DCT: variants seen among roughly 807,000 people sequenced by gnomAD.
The protein encoded by DCT is L-dopachrome tautomerase.
In DCT, 47 loss-of-function variants were observed where a neutral mutation model predicts 53.0. That is an observed-to-expected ratio of 0.89 (90% confidence interval 0.70 to 1.13). DCT has a LOEUF of 1.13. DCT is among the 50% of genes most tolerant of loss of function. DCT has a pLI of 0.00. For missense variants in DCT, 669 were observed against 637.4 expected (o/e 1.05, Z -0.53); for synonymous variants, 244 against 237.0 (o/e 1.03, Z -0.27).
the DCT span, among the ~76,000 whole-genome samples, chr13:94,508,921 G>C: frequency 6.6e-6 from 1 of 152,142 alleles, no homozygotes; most frequent in African/African-American, 2.4e-5. Flanking sequence ...AAACGACTTT[G>C]AAAGTCTCTT....
At chr13:94,445,428 T>C (rs528222044) in intron 6 of DCT, among the ~76,000 whole-genome samples, 4 of 152,322 alleles carry the variant, frequency 2.6e-5, no homozygotes, top group East Asian at 3.9e-4. Context: ...CCAACTCATA[T>C]AGAGTGACCA....
intron 3 of DCT, 51 bp from the exon 4 acceptor site, chr13:94,465,850 C>T (rs1254107075): frequency 6.5e-7 from 1 of 1,530,766 alleles, no homozygotes; most frequent in Admixed American, 1.8e-5. Context: ...TCAGATACAA[C>T]AAGAAAGCAT....
chr13:94,453,669 G>A (rs921047388), intron 6 of DCT, among the ~76,000 whole-genome samples: 6 of 152,042 alleles, frequency 3.9e-5, no homozygotes, highest in Non-Finnish European at 7.4e-5. Context: ...AATCATGGGG[G>A]TGGGTCTTTC....
At chr13:94,538,262 C>A in the DCT span, among the ~76,000 whole-genome samples, 26 of 152,176 alleles carry the variant, frequency 1.7e-4, no homozygotes, top group Non-Finnish European at 3.1e-4. Flanking sequence ...CATGGATTAT[C>A]TTATTTAATT....
chr13:94,448,709 C>T (rs903801100), intron 6 of DCT, among the ~76,000 whole-genome samples: 1 of 152,064 alleles, frequency 6.6e-6, no homozygotes, highest in African/African-American at 2.4e-5. Context: ...TCGAGACCAG[C>T]CTAGCCAATA....
rs1265332395 is a variant in DCT, at chr13:94,462,168, C to G, written c.885G>C (p.Leu295=). The G allele has an allele frequency of 1.2e-6, 2 of 1,612,828 alleles. No homozygotes were observed. Among genetic ancestry groups the G allele is most frequent in the Non-Finnish European group, 1.7e-6 (2 of 1,179,398 alleles). ...CATAGGTTCCATTGCACAAGGTGAC[C>G]AGGTGGTTGTAGTCATCCAAGCTAA... is the stretch of plus-strand genomic sequence containing the variant. ...VCDSLDDYNH[L]VTLCNGTYEG... is the part of the protein sequence containing the mutation. Residue 295 remains leucine (L), a synonymous_variant, in exon 5 of 8, where the codon CTG becomes CTC. Coordinates refer to ENST00000377028, the MANE Select transcript of DCT (RefSeq NM_001922.5).
At chr13:94,440,488 T>A (rs1882213285) in intron 7 of DCT, among the ~76,000 whole-genome samples, 1 of 152,028 alleles carries the variant, frequency 6.6e-6, no homozygotes, top group Non-Finnish European at 1.5e-5. Context: ...TTTTATAGAA[T>A]GATAAACCTG....
upstream of DCT, among the ~76,000 whole-genome samples, chr13:94,481,125 C>A (rs1885424035): frequency 6.6e-6 from 1 of 152,222 alleles, no homozygotes; most frequent in South Asian, 2.1e-4. Flanking sequence ...GCCTTCTCCC[C>A]ATCTGTCTGT....
chr13:94,540,184 G>A, the DCT span, among the ~76,000 whole-genome samples: 1 of 152,100 alleles, frequency 6.6e-6, no homozygotes, highest in Non-Finnish European at 1.5e-5. Context: ...ATAGATCTCT[G>A]AGGTGGAAGA....
chr13:94,466,612 A>C lies in DCT; in HGVS notation c.642T>G (p.Pro214=), dbSNP rs375638471. The C allele has an allele frequency of 6.6e-5, 107 of 1,612,436 alleles. No homozygotes were observed. The highest frequency in any genetic ancestry group is 1.6e-4 in the Middle Eastern group (1 of 6,076). Residue 214 remains proline, a synonymous_variant, in exon 3 of 8, where the codon CCT becomes CCG. Transcript: ENST00000377028. ...YRAIDFSHQG[P]AFVTWHRYHL... ...GGTACCGGTGCCAGGTAACAAATGC[A>C]GGTCCTTGATGTGAGAAATCTATGG...
intron 5 of DCT, among the ~76,000 whole-genome samples, chr13:94,461,689 G>A (rs944570489): frequency 3.9e-5 from 6 of 152,166 alleles, no homozygotes; most frequent in Admixed American, 1.3e-4. Flanking sequence ...AAGAGAAAGA[G>A]CATGGACATT....
intron 7 of DCT, among the ~76,000 whole-genome samples, chr13:94,441,091 C>T (rs1257794741): frequency 2.0e-5 from 3 of 152,164 alleles, no homozygotes; most frequent in Non-Finnish European, 4.4e-5. Flanking sequence ...CTATACCTTA[C>T]ACTCACCTAA....
the DCT span, among the ~76,000 whole-genome samples, chr13:94,538,035 G>A: frequency 1.3e-5 from 2 of 152,096 alleles, no homozygotes; most frequent in African/African-American, 4.8e-5. Context: ...ATAGCAGCCA[G>A]TCAGAAAATC....
chr13:94,489,407 C>T, the DCT span, among the ~76,000 whole-genome samples: 1 of 152,246 alleles, frequency 6.6e-6, no homozygotes, highest in South Asian at 2.1e-4. Flanking sequence ...AGTGGTTATT[C>T]TCTCTCAGCC....
chr13:94,524,426 C>T, the DCT span, among the ~76,000 whole-genome samples: 2 of 152,194 alleles, frequency 1.3e-5, no homozygotes, highest in African/African-American at 2.4e-5. Flanking sequence ...GCCTGCTTGC[C>T]CATAGCCGTC....
the DCT span, among the ~76,000 whole-genome samples, chr13:94,505,244 G>T: frequency 1.3e-5 from 2 of 150,436 alleles, no homozygotes; most frequent in Non-Finnish European, 2.9e-5. Flanking sequence ...ATCTTACTAG[G>T]TCTTAGATTT....
chr13:94,536,731 C>T, the DCT span, among the ~76,000 whole-genome samples: 464 of 152,122 alleles, frequency 3.1e-3, 2 homozygotes, highest in African/African-American at 0.011. Context: ...TCACCTGAGG[C>T]CAGGAGTTCG....
the DCT span, among the ~76,000 whole-genome samples, chr13:94,515,660 C>T: frequency 6.6e-6 from 1 of 152,100 alleles, no homozygotes. Flanking sequence ...AGCTGCTGTT[C>T]AGAAAAAGAG....
At chr13:94,532,345 A>T in the DCT span, among the ~76,000 whole-genome samples, 12 of 152,342 alleles carry the variant, frequency 7.9e-5, no homozygotes, top group South Asian at 2.5e-3. Context: ...ACATATGTTT[A>T]TTGTGGCACT....
Sources: allele counts gnomAD v4.1 joint callset (sites outside exome capture counted in the v4.1 genomes callset), GRCh38; gene constraint gnomAD v4.1.1; transcripts MANE v1.5; gene names NCBI Gene and HGNC (gene_info 2026-07-23, HGNC 2026-07-21).